ANKS6: variants seen among roughly 807,000 people sequenced by gnomAD.
ANKS6 encodes ankyrin repeat and sterile alpha motif domain containing 6.
ANKS6 carries 47 observed loss-of-function variants against 77.9 expected under a neutral mutation model. The ratio of observed to expected loss-of-function variants is 0.60; its 90% CI spans 0.48 to 0.77. The LOEUF (loss-of-function observed/expected upper bound fraction) is 0.77. Among genes scored for constraint, ANKS6 ranks in the 30% least tolerant of loss-of-function variants. The probability of loss-of-function intolerance (pLI) is 0.00; values close to 1 mark genes in which losing one functional copy is unlikely to be tolerated. For synonymous variants in ANKS6, 488 were observed against 501.7 expected (o/e 0.97, Z 0.37); for missense variants, 1,150 against 1,159.1 (o/e 0.99, Z 0.11).
chr9:98,788,885 AAAGT>A (rs1369795322), intron 2 of ANKS6, among the ~76,000 whole-genome samples: 1 of 152,218 alleles, frequency 6.6e-6, no homozygotes, highest in Admixed American at 6.5e-5. Flanking sequence ...CCACCTGGAC[AAAGT>A]AAGAGGTCTC....
chr9:98,777,746 C>A (rs1833996282), intron 7 of ANKS6, among the ~76,000 whole-genome samples: 1 of 152,146 alleles, frequency 6.6e-6, no homozygotes, highest in African/African-American at 2.4e-5. Flanking sequence ...CATGGGGAAT[C>A]TGACTGTTAG....
At chr9:98,794,244 G>A (rs900733102) in intron 1 of ANKS6, among the ~76,000 whole-genome samples, 1 of 151,738 alleles carries the variant, frequency 6.6e-6, no homozygotes, top group African/African-American at 2.4e-5. Context: ...GTGTCTAATA[G>A]TCTGGCCTGA....
chr9:98,734,839 T>C lies in ANKS6; in HGVS notation c.*1680A>G. On this transcript the variant is annotated 3_prime_UTR_variant, in exon 15 of 15. Transcript: ENST00000353234. The stretch of plus-strand genomic sequence containing the variant: ...GACATTAGTAACCTTTGTAAAGGTG[T>C]CTATCAGTAACAGCTAAATGAAACA... 1.0e-6 allele frequency: 1 copy of C among 985,464 alleles called. No individual in the cohort carries two copies. 61.0% of individuals were successfully genotyped at this position (985,464 alleles called of 1,614,324 possible).
intron 1 of ANKS6, among the ~76,000 whole-genome samples, chr9:98,795,591 T>C (rs1004579835): frequency 6.6e-6 from 1 of 152,184 alleles, no homozygotes; most frequent in African/African-American, 2.4e-5. Flanking sequence ...CACAGCCCAC[T>C]TGTAATGTCC....
At chr9:98,796,097 A>ACTCTGGTCCCGGGCCCCC (rs1228221077) in intron 1 of ANKS6, 36 bp downstream of exon 1, 7 of 1,294,978 alleles carry the variant, frequency 5.4e-6, no homozygotes, top group African/African-American at 4.6e-5. Flanking sequence ...GCCGGGCACC[A>ACTCTGGTCCCGGGCCCCC]CTCTGGTCCC....
chr9:98,748,709 G>A (rs1832275284), intron 13 of ANKS6, among the ~76,000 whole-genome samples: 1 of 152,156 alleles, frequency 6.6e-6, no homozygotes, highest in African/African-American at 2.4e-5. Context: ...AAGGAGCCTA[G>A]ATGACTCATC....
At chr9:98,742,505 G>C (rs763736705) in intron 14 of ANKS6, among the ~76,000 whole-genome samples, 1 of 152,232 alleles carries the variant, frequency 6.6e-6, no homozygotes, top group South Asian at 2.1e-4. Context: ...TATGACTCAT[G>C]ATGATACATG....
At chr9:98,757,805 G>A (rs1306866862) in intron 11 of ANKS6, among the ~76,000 whole-genome samples, 2 of 152,222 alleles carry the variant, frequency 1.3e-5, no homozygotes, top group Non-Finnish European at 2.9e-5. Flanking sequence ...GTGGGTGCCT[G>A]TAGTCCTAGC....
At position 98,782,528 on chromosome 9, in the gene ANKS6, G is replaced by T. The variant is rs1588405182; in HGVS notation, c.1158C>A (p.Val386=). The change falls in exon 5 of 15, where the codon GTC becomes GTA. Residue 386 remains valine, a synonymous_variant. Coordinates refer to ENST00000353234, the MANE Select transcript of ANKS6 (RefSeq NM_173551.5). ...VKYLLNQGAD[V]TLRAKNGYTA... The stretch of plus-strand genomic sequence containing the variant: ...TGTATCCATTTTTTGCACGAAGAGT[G>T]ACATCGGCCCCTTGGTTTAGCAGAT... The T allele has an allele frequency of 6.2e-7, 1 of 1,614,196 alleles. No homozygotes were observed. Among genetic ancestry groups the T allele is most frequent in the South Asian group, 1.1e-5 (1 of 91,080 alleles).
chr9:98,794,624 G>A (rs1190216710), intron 1 of ANKS6, among the ~76,000 whole-genome samples: 1 of 152,178 alleles, frequency 6.6e-6, no homozygotes, highest in African/African-American at 2.4e-5. Flanking sequence ...CTATCCTGCA[G>A]AACTTGGTTA....
chr9:98,771,934 G>A (rs940998859), intron 9 of ANKS6, among the ~76,000 whole-genome samples: 1 of 152,180 alleles, frequency 6.6e-6, no homozygotes, highest in Non-Finnish European at 1.5e-5. Context: ...CTGTGTGTAT[G>A]ATGCCCCAGT....
At chr9:98,739,758 A>ATCTTTTTTTTTTTTT (rs1831712516) in intron 14 of ANKS6, among the ~76,000 whole-genome samples, 1 of 88,858 alleles carries the variant, frequency 1.1e-5, no homozygotes, top group Non-Finnish European at 2.1e-5. Context: ...TGGATTAAAC[A>ATCTTTTTTTTTTTTT]TTTTTTTTTT....
chr9:98,760,266 G>C (rs1832939516), intron 11 of ANKS6, among the ~76,000 whole-genome samples: 1 of 152,132 alleles, frequency 6.6e-6, no homozygotes, highest in Non-Finnish European at 1.5e-5. Flanking sequence ...TCCTTTTCAG[G>C]TTTTCATGAA....
intron 12 of ANKS6, 135 bp downstream of exon 12, chr9:98,756,285 G>T: frequency 1.1e-6 from 1 of 905,396 alleles, no homozygotes; most frequent in Non-Finnish European, 1.6e-6. Flanking sequence ...AGAAGAGGAG[G>T]GACATGTTTG....
chr9:98,796,292 G>C lies in ANKS6; in HGVS notation c.200C>G (p.Ala67Gly). Residue 67 changes from alanine to glycine, a missense_variant, in exon 1 of 15, where the codon GCT becomes GGT. Transcript: ENST00000353234. The stretch of plus-strand genomic sequence containing the variant: ...GTCCGAGCAATCCACGGGCACCGGA[G>C]CCCCGACTGCCCCCGCCGCTGCGGC... The part of the protein sequence containing the change: ...PGAAAAGAVG[A>G]PVPVDCSDEA... 2 of 1,278,524 alleles carry C rather than the reference G, an allele frequency of 1.6e-6. No individual in the cohort carries two copies. Among genetic ancestry groups the C allele is most frequent in the Non-Finnish European group, 2.0e-6 (2 of 1,010,976 alleles). The allele number at this position is 1,278,524 out of a possible 1,614,324, so 79.2% of individuals were successfully genotyped here.
chr9:98,740,856 T>A (rs1831788499), intron 14 of ANKS6, among the ~76,000 whole-genome samples: 1 of 152,144 alleles, frequency 6.6e-6, no homozygotes, highest in African/African-American at 2.4e-5. Context: ...AAAATGCAAA[T>A]TAAAACAAGG....
chr9:98,766,292 A>T lies in ANKS6; in HGVS notation c.2142+1789T>A, dbSNP rs115749344. 6.9e-3 allele frequency among the ~76,000 whole-genome samples: 1,052 copies of T among 152,328 alleles called. 11 individuals carry two copies. The highest frequency in any genetic ancestry group is 0.024 in the African/African-American group (987 of 41,564). Reference sequence around the variant, plus strand: ...CAAAATAATAGTTCATATAATAGAGAATAGTTAATATAATTTATAACTTGG... The same window carrying T: ...CAAAATAATAGTTCATATAATAGAGTATAGTTAATATAATTTATAACTTGG... On this transcript the variant is annotated intron_variant, in intron 11 of 14. Coordinates refer to ENST00000353234, the MANE Select transcript of ANKS6 (RefSeq NM_173551.5).
At chr9:98,756,972 T>C (rs979353339) in intron 11 of ANKS6, among the ~76,000 whole-genome samples, 1 of 151,350 alleles carries the variant, frequency 6.6e-6, no homozygotes, top group African/African-American at 2.4e-5. Context: ...AAAATGAAAG[T>C]CTGGCTTAGG....
At chr9:98,746,349 C>T (rs568221295) in intron 13 of ANKS6, among the ~76,000 whole-genome samples, 1 of 152,324 alleles carries the variant, frequency 6.6e-6, no homozygotes, top group Admixed American at 6.5e-5. Context: ...ACACCCATCA[C>T]CTTGCATGTC....
Sources: allele counts gnomAD v4.1 joint callset (sites outside exome capture counted in the v4.1 genomes callset), GRCh38; gene constraint gnomAD v4.1.1; transcripts MANE v1.5; gene names NCBI Gene and HGNC (gene_info 2026-07-23, HGNC 2026-07-21).